STAB2: variants seen among roughly 807,000 people sequenced by gnomAD.
STAB2 encodes stabilin 2.
Under a neutral mutation model 338.1 loss-of-function variants are expected in STAB2, and 288 were observed. That is an observed-to-expected ratio of 0.85 (90% CI 0.77 to 0.94). STAB2 has a LOEUF of 0.94. Ranked by LOEUF, STAB2 falls within the 40% of genes least tolerant of loss-of-function variation. STAB2 has a pLI of 0.00. For missense variants in STAB2, 3,141 were observed against 3,210.1 expected (o/e 0.98, Z 0.52); for synonymous variants, 1,202 against 1,193.3 (o/e 1.01, Z -0.15).
In STAB2 at chr12:103,730,170, A is replaced by G. The variant is rs1404276050; in HGVS notation, c.5137A>G (p.Thr1713Ala). The change falls in exon 49 of 69, where the codon ACT (threonine) becomes GCT (alanine). Residue 1713 changes from threonine to alanine, a missense_variant. Thr to Ala is a moderately conservative substitution (Grantham distance 58). Transcript: ENST00000388887. ...AKIISSDIIS[T>A]NGIVHIIDKL... The stretch of plus-strand genomic sequence containing the variant: ...GATCATATCCAGTGATATCATCAGT[A>G]CTAATGGGATTGTTCATATCATAGA... 6 of 1,613,486 alleles carry G rather than the reference A, an allele frequency of 3.7e-6. No homozygotes were observed. The East Asian group carries it at 1.3e-4, about 36-fold the overall frequency.
At chr12:103,670,059 T>C (rs1327989644) in intron 21 of STAB2, among the ~76,000 whole-genome samples, 1 of 152,248 alleles carries the variant, frequency 6.6e-6, no homozygotes, top group South Asian at 2.1e-4. Context: ...TTAACTCATC[T>C]AGCTTGGAGG....
At chr12:103,760,271 T>C (rs1884441073) in intron 65 of STAB2, among the ~76,000 whole-genome samples, 2 of 152,130 alleles carry the variant, frequency 1.3e-5, no homozygotes, top group Non-Finnish European at 2.9e-5. Flanking sequence ...TGGTTTTTTG[T>C]TGTTTTTTAG....
rs763481477 is a variant in STAB2, at chr12:103,730,269, T to C, written c.5223+13T>C. ...TGGAAGAATTCTGGTAGGTAAACTC[T>C]CTGTTATGTTTTCAGCCTGGAGTGA... On this transcript the variant is annotated intron_variant, in intron 49 of 68. Transcript: ENST00000388887. The C allele has an allele frequency of 1.2e-6, 2 of 1,613,390 alleles. No homozygotes were observed. Among genetic ancestry groups the C allele is most frequent in the Middle Eastern group, 1.7e-4 (1 of 6,054 alleles).
chr12:103,613,814 C>T (rs7978154), intron 3 of STAB2, among the ~76,000 whole-genome samples: 149 of 152,218 alleles, frequency 9.8e-4, no homozygotes, highest in African/African-American at 3.0e-3. Flanking sequence ...TGTTCCTATT[C>T]GGCCATCTTG....
chr12:103,610,208 A>G (rs1957100040), intron 3 of STAB2, among the ~76,000 whole-genome samples: 1 of 152,010 alleles, frequency 6.6e-6, no homozygotes, highest in South Asian at 2.1e-4. Context: ...TCATAAAATG[A>G]GTTAGGGAGG....
At chr12:103,742,587 G>GT in intron 56 of STAB2, 33 bp downstream of exon 56, 2 of 1,613,164 alleles carry the variant, frequency 1.2e-6, no homozygotes, top group Non-Finnish European at 1.7e-6. Context: ...GCTAGAGCTT[G>GT]TTTTTTGACT....
rs769276192 is a variant in STAB2 at position 103,761,292 on chromosome 12, T to G, written c.7249-8T>G. 3.1e-6 allele frequency: 5 copies of G among 1,613,324 alleles called. No individual in the cohort carries two copies. Among genetic ancestry groups the G allele is most frequent in the Non-Finnish European group, 4.2e-6 (5 of 1,179,484 alleles). On this transcript the variant is annotated splice_polypyrimidine_tract_variant and splice_region_variant and intron_variant, in intron 65 of 68. Transcript: ENST00000388887. Reference sequence around the variant, plus strand: ...TAAAAGCCATCAACCCTCTTCTCATTTCCCTAGACGGAGACCAGGTTTGTT... The same window carrying G: ...TAAAAGCCATCAACCCTCTTCTCATGTCCCTAGACGGAGACCAGGTTTGTT...
intron 45 of STAB2, 131 bp from the exon 46 acceptor site, chr12:103,725,985 T>A (rs1445709470): frequency 1.2e-6 from 1 of 812,666 alleles, no homozygotes; most frequent in Non-Finnish European, 2.0e-6. Flanking sequence ...AGCCTACAGA[T>A]GAAGCTCCAA....
At chr12:103,608,006 G>A (rs1021928559) in intron 3 of STAB2, among the ~76,000 whole-genome samples, 7 of 152,214 alleles carry the variant, frequency 4.6e-5, no homozygotes, top group African/African-American at 1.7e-4. Flanking sequence ...CCCACCAACT[G>A]TGTAAAAATG....
At chr12:103,636,707 T>C (rs1180198452) in intron 6 of STAB2, among the ~76,000 whole-genome samples, 1 of 152,182 alleles carries the variant, frequency 6.6e-6, no homozygotes, top group Non-Finnish European at 1.5e-5. Context: ...CTTGTTCACT[T>C]TGCAAGTTGG....
Position 103,683,235 on chromosome 12 carries a change from G to A in STAB2, c.2836G>A (p.Gly946Arg), listed in dbSNP as rs1877084687. The A allele has an allele frequency of 6.2e-7, 1 of 1,612,616 alleles. No homozygotes were observed. The highest frequency in any genetic ancestry group is 1.3e-5 in the African/African-American group (1 of 74,678). ...NECECKKGFRGNGIDCEPITS... is the reference protein window; with the variant it reads ...NECECKKGFRRNGIDCEPITS... ...GTGTGAGTGCAAGAAAGGATTTCGAGGAAATGGGATTGACTGTGAACCAAT... is the reference window on the plus strand; with the variant it reads ...GTGTGAGTGCAAGAAAGGATTTCGAAGAAATGGGATTGACTGTGAACCAAT... The change falls in exon 26 of 69, where the codon GGA (glycine) becomes AGA (arginine). Residue 946 changes from glycine to arginine, a missense_variant. Gly to Arg is a moderately radical substitution (Grantham distance 125, BLOSUM62 -2). Transcript: ENST00000388887.
intron 24 of STAB2, 75 bp downstream of exon 24, chr12:103,676,096 C>G: frequency 9.2e-7 from 1 of 1,082,820 alleles, no homozygotes; most frequent in South Asian, 1.7e-5. Context: ...GAGTCTCGCT[C>G]TGTCGCCCAG....
At chr12:103,652,727 A>C (rs1593184865) in intron 12 of STAB2, 22 bp downstream of exon 12, 1 of 1,539,514 alleles carries the variant, frequency 6.5e-7, no homozygotes, top group Non-Finnish European at 8.7e-7. Flanking sequence ...TCTGATTTTC[A>C]CTCCCAGAAC....
intron 4 of STAB2, 85 bp downstream of exon 4, chr12:103,620,638 C>CAT (rs1413037426): frequency 9.9e-7 from 1 of 1,010,188 alleles, no homozygotes; most frequent in Non-Finnish European, 1.5e-6. Flanking sequence ...CACACACACA[C>CAT]ACACACACAC....
intron 39 of STAB2, 111 bp downstream of exon 39, chr12:103,708,647 A>G (rs1879581255): frequency 1.0e-6 from 1 of 1,002,078 alleles, no homozygotes; most frequent in East Asian, 2.5e-5. Flanking sequence ...TTCTGGCAAT[A>G]AACATGATTC....
chr12:103,724,856 G>A, intron 44 of STAB2, 119 bp from the exon 45 acceptor site: 1 of 1,521,620 alleles, frequency 6.6e-7, no homozygotes, highest in Non-Finnish European at 8.9e-7. Flanking sequence ...CAATACAAAT[G>A]AATCAAAGAG....
rs1423160673 is a variant in STAB2 at position 103,648,759 on chromosome 12, A to G, written c.1110A>G (p.Arg370=). 6.2e-7 allele frequency: 1 copy of G among 1,614,204 alleles called. No individual in the cohort carries two copies. Among genetic ancestry groups the G allele is most frequent in the South Asian group, 1.1e-5 (1 of 91,084 alleles). ...TCYGNIMERL[R]ELNTEPRGKW... ...ATGGAAACATTATGGAGCGACTCAG[A>G]GAATTAAATACTGAACCCAGAGGAA... The change falls in exon 10 of 69, where the codon AGA becomes AGG. Residue 370 remains arginine, a synonymous_variant. Coordinates refer to ENST00000388887, the MANE Select transcript of STAB2 (RefSeq NM_017564.10).
chr12:103,637,484 GCTT>G (rs756718896), intron 7 of STAB2, among the ~76,000 whole-genome samples: 1 of 152,108 alleles, frequency 6.6e-6, no homozygotes, highest in Non-Finnish European at 1.5e-5. Context: ...AACATTTAAT[GCTT>G]CTTATTTTAT....
At chr12:103,594,204 C>G (rs549029052) in intron 2 of STAB2, among the ~76,000 whole-genome samples, 191 bp from the exon 3 acceptor site, 1 of 152,256 alleles carries the variant, frequency 6.6e-6, no homozygotes, top group African/African-American at 2.4e-5. Context: ...CTGATTTTTT[C>G]ATCCAGTTCT....
Sources: gnomAD v4.1 joint callset for allele counts (sites outside exome capture counted in the v4.1 genomes callset) on GRCh38, gnomAD v4.1.1 for gene constraint, MANE v1.5 for transcripts, NCBI Gene and HGNC (gene_info 2026-07-23, HGNC 2026-07-21) for gene names.